The following ZBTB38 variants were observed in gnomAD, a reference collection of about 807,000 sequenced individuals.
ZBTB38 encodes the protein zinc finger and BTB domain-containing protein 38.
A neutral mutation model predicts 76.8 loss-of-function variants in ZBTB38; 20 were observed. The observed-to-expected ratio is 0.26, with a 90% CI of 0.18 to 0.38. The LOEUF (loss-of-function observed/expected upper bound fraction) is 0.38. Ranked by LOEUF, ZBTB38 falls within the 10% of genes least tolerant of loss-of-function variation. ZBTB38 has a pLI of 1.00. For synonymous variants in ZBTB38, 504 were observed against 544.2 expected (o/e 0.93, Z 1.03); for missense variants, 1,082 against 1,482.3 (o/e 0.73, Z 4.43).
intron 1 of ZBTB38, among the ~76,000 whole-genome samples, chr3:141,346,284 T>A (rs991562971): frequency 6.6e-6 from 1 of 152,172 alleles, no homozygotes; most frequent in African/African-American, 2.4e-5. Flanking sequence ...TCCTGGTGAT[T>A]AGCCAGAGCT....
Position 141,413,126 on chromosome 3 carries a change from A to C in ZBTB38, c.-1+9095A>C, listed in dbSNP as rs1957223194. 6.6e-6 allele frequency among the ~76,000 whole-genome samples: 1 copy of C among 152,218 alleles called. No homozygotes were observed. The highest frequency in any genetic ancestry group is 1.5e-5 in the Non-Finnish European group (1 of 68,036). ...GGAAGAAGAAAATGTTTGTGCAGGG[A>C]AAGTGTGTACGTGGACTTAAATAAA... On this transcript the variant is annotated intron_variant, in intron 5 of 5. Coordinates refer to ENST00000321464, the MANE Select transcript of ZBTB38 (RefSeq NM_001376113.1). This position sits in a 1 kb window ranked among gnomAD's most constrained non-coding sequence, Gnocchi z 4.1.
chr3:141,360,357 G>A (rs1943785107), intron 1 of ZBTB38, among the ~76,000 whole-genome samples: 1 of 152,178 alleles, frequency 6.6e-6, no homozygotes, highest in South Asian at 2.1e-4. Context: ...TGCCTGGAGT[G>A]AGGGATGAAC....
intron 4 of ZBTB38, among the ~76,000 whole-genome samples, chr3:141,391,988 A>T (rs1949013164): frequency 6.6e-6 from 1 of 152,216 alleles, no homozygotes; most frequent in Non-Finnish European, 1.5e-5. Context: ...GAACTCTTTC[A>T]TGCTTTTCAG....
chr3:141,444,666 G>A lies in ZBTB38; in HGVS notation c.2278G>A (p.Glu760Lys), dbSNP rs770705648. ...SQSLKDDSKP[E>K]PDKVGRFASR... Reference sequence around the variant, plus strand: ...GTCCCTGAAAGATGACAGTAAGCCCGAGCCAGATAAAGTGGGTAGGTTTGC... The same window carrying A: ...GTCCCTGAAAGATGACAGTAAGCCCAAGCCAGATAAAGTGGGTAGGTTTGC... Residue 760 changes from glutamate (E) to lysine (K), a missense_variant, in exon 6 of 6, where the codon GAG (glutamate) becomes AAG (lysine). By Grantham distance (56) the Glu-to-Lys change is moderately conservative. Coordinates refer to ENST00000321464, the MANE Select transcript of ZBTB38 (RefSeq NM_001376113.1). The surrounding 1 kb of genome is among the most constrained non-coding windows in gnomAD (Gnocchi z 5.1). The A allele has an allele frequency of 8.1e-6, 13 of 1,614,108 alleles. No individual in the cohort carries two copies. The highest frequency in any genetic ancestry group is 3.3e-5 in the South Asian group (3 of 91,072).
rs906766510 is a variant in ZBTB38 at position 141,447,198 on chromosome 3, A to G, written c.*1222A>G. 2.6e-5 allele frequency: 4 copies of G among 152,644 alleles called. No homozygotes were observed. The highest frequency in any genetic ancestry group is 2.6e-4 in the Admixed American group (4 of 15,288). The allele number at this position is 152,644 out of a possible 1,614,324, so 9.5% of individuals were successfully genotyped here. ...ACCCCCACCCTCCACCCCACCCATTAATGACTTGAGTGGGCAAGAAGAAGT... is the reference window on the plus strand; with the variant it reads ...ACCCCCACCCTCCACCCCACCCATTGATGACTTGAGTGGGCAAGAAGAAGT... On this transcript the variant is annotated 3_prime_UTR_variant, in exon 6 of 6. Coordinates refer to ENST00000321464, the MANE Select transcript of ZBTB38 (RefSeq NM_001376113.1).
chr3:141,414,568 G>C (rs1432171751), intron 5 of ZBTB38, among the ~76,000 whole-genome samples: 1 of 152,208 alleles, frequency 6.6e-6, no homozygotes, highest in Admixed American at 6.5e-5. Flanking sequence ...CATCTGGAAG[G>C]CATCAGACAG....
chr3:141,349,010 A>G (rs1443303119), intron 1 of ZBTB38, among the ~76,000 whole-genome samples: 3 of 152,236 alleles, frequency 2.0e-5, no homozygotes, highest in Admixed American at 2.0e-4. Flanking sequence ...CTAAGAGACT[A>G]GGCAACTCAT....
chr3:141,385,649 AGTGTGTGTGT>A (rs10617390), intron 3 of ZBTB38, among the ~76,000 whole-genome samples: 6 of 147,040 alleles, frequency 4.1e-5, no homozygotes, highest in Non-Finnish European at 7.5e-5. Context: ...TCGAGCTTTG[AGTGTGTGTGT>A]GTGTGTGTGT....
At chr3:141,395,783 G>T (rs539227319) in intron 4 of ZBTB38, among the ~76,000 whole-genome samples, 1 of 152,116 alleles carries the variant, frequency 6.6e-6, no homozygotes, top group Non-Finnish European at 1.5e-5. Flanking sequence ...TCAATAAAGC[G>T]AATGTTGCAA....
intron 1 of ZBTB38, among the ~76,000 whole-genome samples, chr3:141,348,237 G>A (rs2148926086): frequency 6.6e-6 from 1 of 152,230 alleles, no homozygotes; most frequent in South Asian, 2.1e-4. Context: ...TAAATGTAAT[G>A]GAAATGATAA....
chr3:141,419,222 TGTA>T (rs751312476), intron 5 of ZBTB38, among the ~76,000 whole-genome samples: 3 of 152,080 alleles, frequency 2.0e-5, no homozygotes, highest in Non-Finnish European at 4.4e-5. Context: ...CATCACATCT[TGTA>T]AAAACTCACT....
At chr3:141,405,473 AG>A (rs1388459460) in intron 5 of ZBTB38, among the ~76,000 whole-genome samples, 1 of 152,208 alleles carries the variant, frequency 6.6e-6, no homozygotes, top group Non-Finnish European at 1.5e-5. Flanking sequence ...CAGTTTGGCA[AG>A]GGGGCTTTGT....
intron 5 of ZBTB38, among the ~76,000 whole-genome samples, chr3:141,436,839 A>G (rs2078926247): frequency 6.6e-6 from 1 of 152,180 alleles, no homozygotes; most frequent in Non-Finnish European, 1.5e-5. Flanking sequence ...AACATGGTTA[A>G]CTAAGATTTT....
At chr3:141,331,971 T>G (rs1942868593) in intron 1 of ZBTB38, among the ~76,000 whole-genome samples, 1 of 152,220 alleles carries the variant, frequency 6.6e-6, no homozygotes, top group African/African-American at 2.4e-5. Context: ...GCACTTGCCT[T>G]CAGTCTGGAA....
At chr3:141,414,030 T>G (rs2073320379) in intron 5 of ZBTB38, among the ~76,000 whole-genome samples, 1 of 152,198 alleles carries the variant, frequency 6.6e-6, no homozygotes, top group Non-Finnish European at 1.5e-5. Context: ...CATTTAAATT[T>G]TAGAAGGACA....
chr3:141,432,144 T>A, intron 5 of ZBTB38: 1 of 985,498 alleles, frequency 1.0e-6, no homozygotes, highest in Non-Finnish European at 1.2e-6. Context: ...TCGGAAAACT[T>A]TCCGCAGGGA....
chr3:141,442,487 C>T lies in ZBTB38; in HGVS notation c.99C>T (p.Cys33=), dbSNP rs779982243. Residue 33 remains cysteine, a synonymous_variant, in exon 6 of 6, where the codon TGC becomes TGT. Coordinates refer to ENST00000321464, the MANE Select transcript of ZBTB38 (RefSeq NM_001376113.1). The surrounding 1 kb of genome is among the most constrained non-coding windows in gnomAD (Gnocchi z 6.4). The stretch of plus-strand genomic sequence containing the variant: ...AGCAGCGCATTCGGGGCATTTTATG[C>T]GATGTCACTATCATTGTGGAAGATA... The part of the protein sequence containing the change: ...LNEQRIRGIL[C]DVTIIVEDTK... 35 of 1,614,010 alleles carry T rather than the reference C, an allele frequency of 2.2e-5. No individual in the cohort carries two copies. The highest frequency in any genetic ancestry group is 1.6e-4 in the Middle Eastern group (1 of 6,084).
Position 141,447,745 on chromosome 3 carries a change from A to G in ZBTB38, c.*1769A>G, listed in dbSNP as rs1191552360. The G allele has an allele frequency of 2.0e-5, 3 of 152,226 alleles. No individual in the cohort carries two copies. The highest frequency in any genetic ancestry group is 2.9e-5 in the Non-Finnish European group (2 of 68,026). The allele number at this position is 152,226 out of a possible 1,614,324, so 9.4% of individuals were successfully genotyped here. ...GATGTCTCCATGAAGAAGACTTAGT[A>G]TGGATTTGGGTGGGTAAGAAAGCAT... On this transcript the variant is annotated 3_prime_UTR_variant, in exon 6 of 6. Coordinates refer to ENST00000321464, the MANE Select transcript of ZBTB38 (RefSeq NM_001376113.1).
At chr3:141,382,348 T>C (rs967353271) in intron 3 of ZBTB38, among the ~76,000 whole-genome samples, 4 of 152,222 alleles carry the variant, frequency 2.6e-5, no homozygotes, top group African/African-American at 9.7e-5. Flanking sequence ...AAATGCTGAA[T>C]ACATTGGGTG....
Sources: allele counts gnomAD v4.1 joint callset (sites outside exome capture counted in the v4.1 genomes callset), GRCh38; gene constraint gnomAD v4.1.1; non-coding constraint Gnocchi (gnomAD v3.1); transcripts MANE v1.5; gene names NCBI Gene and HGNC (gene_info 2026-07-23, HGNC 2026-07-21).